Variants in ROR2 observed in about 807,000 individuals in gnomAD.
The protein encoded by ROR2 is tyrosine-protein kinase transmembrane receptor ROR2.
A neutral mutation model predicts 74.9 loss-of-function variants in ROR2; 33 were observed. The observed-to-expected ratio is 0.44, with a 90% CI of 0.33 to 0.59. The LOEUF (loss-of-function observed/expected upper bound fraction) is 0.59. Among genes scored for constraint, ROR2 ranks in the 20% least tolerant of loss-of-function variants. The pLI is 0.02. For synonymous variants in ROR2, 586 were observed against 558.7 expected (o/e 1.05, Z -0.69); for missense variants, 1,216 against 1,313.8 (o/e 0.93, Z 1.15).
At position 91,816,822 on chromosome 9, in the gene ROR2, C is replaced by A. The variant is rs185715913; in HGVS notation, c.98-41004G>T. Among the ~76,000 whole-genome samples the A allele has an allele frequency of 5.3e-5, 8 of 151,954 alleles. 1 individual carries two copies. Among genetic ancestry groups the A allele is most frequent in the African/African-American group, 1.9e-4 (8 of 41,364 alleles). On this transcript the variant is annotated intron_variant, in intron 1 of 8. Coordinates refer to ENST00000375708, the MANE Select transcript of ROR2 (RefSeq NM_004560.4). ...GGGTATGGGAGAAGGGGGAAGAGAC[C>A]AGCATTTACCACTCACCATTGGTTT...
intron 1 of ROR2, among the ~76,000 whole-genome samples, chr9:91,909,842 GT>G (rs1232142986): frequency 8.9e-5 from 5 of 55,998 alleles, no homozygotes; most frequent in Middle Eastern, 0.014. Flanking sequence ...TTTTAGGTTT[GT>G]TTTGTTTTTT....
intron 1 of ROR2, among the ~76,000 whole-genome samples, chr9:91,914,769 T>C (rs1227772010): frequency 7.9e-6 from 1 of 125,860 alleles, no homozygotes; most frequent in East Asian, 2.3e-4. Flanking sequence ...AGATCTGTCA[T>C]GACTAGGGGT....
At chr9:91,799,321 TC>T (rs1050171812) in intron 1 of ROR2, among the ~76,000 whole-genome samples, 2 of 151,850 alleles carry the variant, frequency 1.3e-5, no homozygotes, top group African/African-American at 2.4e-5. Flanking sequence ...CGCTGCTCAC[TC>T]CCCCCAACAC....
chr9:91,843,335 G>A lies in ROR2; in HGVS notation c.98-67517C>T, dbSNP rs567400768. Among the ~76,000 whole-genome samples the A allele has an allele frequency of 8.5e-5, 13 of 152,318 alleles. No individual in the cohort carries two copies. In the South Asian group the frequency reaches 1.2e-3, roughly 15 times the overall value. On this transcript the variant is annotated intron_variant, in intron 1 of 8. Transcript: ENST00000375708. ...GGGTCTGAGCCAGAGGGCCCTCCACGCTCCCCCGTGGGGCAGGTCAGGTGC... is the reference window on the plus strand; with the variant it reads ...GGGTCTGAGCCAGAGGGCCCTCCACACTCCCCCGTGGGGCAGGTCAGGTGC...
intron 1 of ROR2, among the ~76,000 whole-genome samples, chr9:91,925,383 C>T (rs1446158338): frequency 1.3e-5 from 2 of 152,158 alleles, no homozygotes; most frequent in African/African-American, 4.8e-5. Context: ...CGAGACCCAG[C>T]CCCCAGCTCG....
In ROR2 at chr9:91,733,556, C is replaced by T. The variant is rs1824905958; in HGVS notation, c.623-120G>A. 9.0e-7 allele frequency: 1 copy of T among 1,111,336 alleles called. No homozygotes were observed. The highest frequency in any genetic ancestry group is 1.3e-6 in the Non-Finnish European group (1 of 780,422). 68.8% of individuals were successfully genotyped at this position (1,111,336 alleles called of 1,614,324 possible). A position where few individuals can be genotyped will look rare whatever the true frequency, so the allele number is the denominator to read the frequency against. On this transcript the variant is annotated intron_variant, in intron 5 of 8. Transcript: ENST00000375708. This position sits in a 1 kb window ranked among gnomAD's most constrained non-coding sequence, Gnocchi z 5.7. ...CCACTCAGCCCCCTGATGCCCCGCC[C>T]CGCCCCAGACTCCCCAACCCCGAGC...
At chr9:91,940,594 C>CTTTTTTTTTTT (rs570738211) in intron 1 of ROR2, among the ~76,000 whole-genome samples, 1 of 142,668 alleles carries the variant, frequency 7.0e-6, no homozygotes, top group Non-Finnish European at 1.5e-5. Context: ...ACGTGCAATT[C>CTTTTTTTTTTT]TTTTTTTTTT....
intron 1 of ROR2, among the ~76,000 whole-genome samples, chr9:91,916,070 G>A (rs1336990164): frequency 1.3e-5 from 2 of 152,152 alleles, no homozygotes; most frequent in Non-Finnish European, 2.9e-5. Context: ...AGAGGCCCTG[G>A]GATGTATGTG....
At position 91,725,061 on chromosome 9, in the gene ROR2, T is replaced by C. The variant is rs1836977214; in HGVS notation, c.1433A>G (p.Glu478Gly). ...ISLSAVRFME[E>G]LGEDRFGKVY... ...TTTCCCAAACCGGTCCTCTCCCAGC[T>C]CCTCCATGAACCTCACCGCAGACAG... The change falls in exon 9 of 9, where the codon GAG (glutamate) becomes GGG (glycine). Residue 478 changes from glutamate (E) to glycine (G), a missense_variant. Transcript: ENST00000375708. The C allele has an allele frequency of 1.2e-6, 2 of 1,613,886 alleles. No individual in the cohort carries two copies. Among genetic ancestry groups the C allele is most frequent in the South Asian group, 2.2e-5 (2 of 91,086 alleles).
intron 1 of ROR2, among the ~76,000 whole-genome samples, chr9:91,933,858 G>A (rs752145214): frequency 3.3e-5 from 5 of 152,194 alleles, no homozygotes; most frequent in African/African-American, 7.2e-5. Flanking sequence ...CGGGGAAATG[G>A]GGAGTGATGG....
chr9:91,836,539 C>CAAAAAAAAAAAAAAAAAAAAAAAAAA (rs753563302), intron 1 of ROR2, among the ~76,000 whole-genome samples: 23 of 102,470 alleles, frequency 2.2e-4, no homozygotes, highest in African/African-American at 6.9e-4. Flanking sequence ...GATTCCATCT[C>CAAAAAAAAAAAAAAAAAAAAAAAAAA]AAAAAAAAAA....
At chr9:91,770,180 G>C (rs1826183298) in intron 2 of ROR2, among the ~76,000 whole-genome samples, 1 of 152,228 alleles carries the variant, frequency 6.6e-6, no homozygotes, top group Non-Finnish European at 1.5e-5. Context: ...TGGCCCTGGG[G>C]ACTGCACCAC....
chr9:91,800,354 A>AAAGAGAG (rs61357928), intron 1 of ROR2, among the ~76,000 whole-genome samples: 13,524 of 149,024 alleles, frequency 0.091, 1,039 homozygotes, highest in East Asian at 0.28. Context: ...AAAAAAAAAA[A>AAAGAGAG]AGAGAGAGAG....
intron 1 of ROR2, among the ~76,000 whole-genome samples, chr9:91,901,990 G>A (rs889739614): frequency 5.9e-5 from 9 of 152,216 alleles, no homozygotes; most frequent in Admixed American, 2.6e-4. Flanking sequence ...GAGGCCATTC[G>A]CACAGAATAC....
intron 1 of ROR2, among the ~76,000 whole-genome samples, chr9:91,895,700 G>A (rs529270761): frequency 6.6e-5 from 10 of 152,212 alleles, no homozygotes; most frequent in South Asian, 4.2e-4. Context: ...AAATTTAGGC[G>A]GGCATGATGG....
At chr9:91,755,416 C>T (rs1747528601) in intron 4 of ROR2, among the ~76,000 whole-genome samples, 1 of 152,248 alleles carries the variant, frequency 6.6e-6, no homozygotes, top group Admixed American at 6.5e-5. Flanking sequence ...CGGACAGTCA[C>T]TGCTCATCTC....
intron 4 of ROR2, among the ~76,000 whole-genome samples, chr9:91,741,176 T>A (rs904541311): frequency 6.6e-6 from 1 of 151,978 alleles, no homozygotes. Flanking sequence ...GGTGCACACC[T>A]GTAGTCCCAG....
intron 1 of ROR2, among the ~76,000 whole-genome samples, chr9:91,821,100 CAA>C (rs34388374): frequency 1.2e-4 from 15 of 124,350 alleles, no homozygotes; most frequent in Non-Finnish European, 1.4e-4. Context: ...GACTTCGTCT[CAA>C]AAAAAAAAAA....
intron 1 of ROR2, among the ~76,000 whole-genome samples, chr9:91,860,843 C>T (rs1829448510): frequency 6.6e-6 from 1 of 152,190 alleles, no homozygotes; most frequent in Non-Finnish European, 1.5e-5. Context: ...CAGACACACC[C>T]AAAGGTAATG....
Sources: gnomAD v4.1 joint callset for allele counts (sites outside exome capture counted in the v4.1 genomes callset) on GRCh38, gnomAD v4.1.1 for gene constraint, Gnocchi (gnomAD v3.1) non-coding constraint, MANE v1.5 for transcripts, NCBI Gene and HGNC (gene_info 2026-07-23, HGNC 2026-07-21) for gene names.